AGO3: variants seen among roughly 807,000 people sequenced by gnomAD.
AGO3 encodes the protein argonaute RISC catalytic component 3.
A neutral mutation model predicts 105.5 loss-of-function variants in AGO3; 16 were observed. The observed-to-expected ratio is 0.15, with a 90% confidence interval of 0.10 to 0.23. The LOEUF (loss-of-function observed/expected upper bound fraction) is 0.23, where lower values mean the gene tolerates loss of function less well. AGO3 is among the 10% of genes least tolerant of loss of function. The probability of loss-of-function intolerance (pLI) is 1.00; values close to 1 mark genes in which losing one functional copy is unlikely to be tolerated. For synonymous variants in AGO3, 340 were observed against 367.3 expected (o/e 0.93, Z 0.85); for missense variants, 534 against 1,088.0 (o/e 0.49, Z 7.16).
intron 5 of AGO3, among the ~76,000 whole-genome samples, chr1:36,003,556 T>C (rs1640194737): frequency 6.6e-6 from 1 of 151,260 alleles, no homozygotes; most frequent in African/African-American, 2.4e-5. Context: ...TGGTCGGACG[T>C]GGTGGTGCAT....
intron 3 of AGO3, among the ~76,000 whole-genome samples, chr1:35,970,351 G>A (rs780796582): frequency 6.6e-6 from 1 of 152,076 alleles, no homozygotes; most frequent in African/African-American, 2.4e-5. Context: ...ATTCTAGTCC[G>A]TGCCTCATGG....
At chr1:35,968,783 T>G (rs1646815703) in intron 3 of AGO3, among the ~76,000 whole-genome samples, 1 of 152,202 alleles carries the variant, frequency 6.6e-6, no homozygotes, top group Admixed American at 6.5e-5. Flanking sequence ...GTGATAATTA[T>G]TAATTTTCTG....
At chr1:36,049,545 C>T (rs74750362) in intron 17 of AGO3, among the ~76,000 whole-genome samples, 2,314 of 151,670 alleles carry the variant, frequency 0.015, 47 homozygotes, top group African/African-American at 0.053. Context: ...AGAAAAACTA[C>T]TGGGTGCTAA....
At chr1:36,014,294 G>A (rs1390745395) in intron 11 of AGO3, among the ~76,000 whole-genome samples, 2 of 151,932 alleles carry the variant, frequency 1.3e-5, no homozygotes, top group Non-Finnish European at 2.9e-5. Context: ...AAGTAGCTGG[G>A]ATTACAGGTG....
intron 2 of AGO3, among the ~76,000 whole-genome samples, chr1:35,948,972 T>G (rs982548871): frequency 1.3e-5 from 2 of 152,126 alleles, no homozygotes; most frequent in Non-Finnish European, 2.9e-5. Context: ...AGATGGAGTT[T>G]TGCTCTTGTT....
intron 1 of AGO3, 106 bp from the exon 2 acceptor site, chr1:35,945,586 T>G (rs1322957687): frequency 6.4e-5 from 72 of 1,128,844 alleles, no homozygotes; most frequent in Non-Finnish European, 8.9e-5. Flanking sequence ...AGAACTAGGT[T>G]TTAGCCATTA....
chr1:36,013,919 G>A lies in AGO3; in HGVS notation c.1277G>A (p.Arg426Gln), dbSNP rs767090774. ...APMLQYGGRNRTVATPSHGVW... is the reference protein window; with the variant it reads ...APMLQYGGRNQTVATPSHGVW... ...TATTTTTTTCTCCTCGTGTAGAATC[G>A]GACAGTAGCAACACCGAGCCATGGA... The change falls in exon 11 of 19, where the codon CGG (arginine) becomes CAG (glutamine). Residue 426 changes from arginine (R) to glutamine (Q), a missense_variant. Physicochemically the swap from Arg to Gln is conservative, Grantham distance 43. Around this residue, in one of 2 missense-constraint regions of AGO3, gnomAD observed 373 missense variants for 854.0 expected, o/e 0.44. Coordinates refer to ENST00000373191, the MANE Select transcript of AGO3 (RefSeq NM_024852.4). 4 of 1,611,416 alleles carry A rather than the reference G, an allele frequency of 2.5e-6. No homozygotes were observed. The highest frequency in any genetic ancestry group is 1.7e-6 in the Non-Finnish European group (2 of 1,179,026).
intron 12 of AGO3, among the ~76,000 whole-genome samples, chr1:36,029,704 T>G (rs1286417560): frequency 6.7e-6 from 1 of 149,496 alleles, no homozygotes; most frequent in Non-Finnish European, 1.5e-5. Context: ...CCCTTTTTTT[T>G]TTTTTTGAGA....
At chr1:36,010,077 T>C (rs1418176607) in intron 9 of AGO3, among the ~76,000 whole-genome samples, 1 of 151,526 alleles carries the variant, frequency 6.6e-6, no homozygotes, top group African/African-American at 2.4e-5. Context: ...CAGCTGGGAC[T>C]ACAGGCGCAT....
intron 5 of AGO3, among the ~76,000 whole-genome samples, chr1:35,995,209 A>AT (rs1553164849): frequency 0.026 from 2,993 of 114,576 alleles, 43 homozygotes; most frequent in Non-Finnish European, 0.034. Context: ...TAAAAAAAAA[A>AT]ATATATATAT....
At chr1:36,045,931 G>A (rs551715921) in intron 17 of AGO3, among the ~76,000 whole-genome samples, 2 of 152,182 alleles carry the variant, frequency 1.3e-5, no homozygotes, top group South Asian at 2.1e-4. Context: ...ACAGAAACTC[G>A]GGATGACCAC....
chr1:36,002,844 A>G (rs925001573), intron 5 of AGO3, among the ~76,000 whole-genome samples: 1 of 152,104 alleles, frequency 6.6e-6, no homozygotes, highest in Non-Finnish European at 1.5e-5. Context: ...TCGGCCTCCC[A>G]AAGTGCTGGG....
At chr1:35,988,440 G>T (rs1647316398) in intron 5 of AGO3, among the ~76,000 whole-genome samples, 1 of 152,014 alleles carries the variant, frequency 6.6e-6, no homozygotes, top group Non-Finnish European at 1.5e-5. Context: ...CTCACCATTT[G>T]CCTCAGCCCT....
chr1:35,998,700 G>T (rs1639951854), intron 5 of AGO3, among the ~76,000 whole-genome samples: 1 of 151,772 alleles, frequency 6.6e-6, no homozygotes, highest in Non-Finnish European at 1.5e-5. Flanking sequence ...ATTTTGATTT[G>T]TAGGAACTCT....
In AGO3 at chr1:35,978,996, T is replaced by C. The variant is rs566540807; in HGVS notation, c.658+5485T>C. Among the ~76,000 whole-genome samples, 5 of 152,308 alleles carry C rather than the reference T, an allele frequency of 3.3e-5. No individual in the cohort carries two copies. The South Asian group carries it at 8.3e-4, about 25-fold the overall frequency. On this transcript the variant is annotated intron_variant, in intron 5 of 18. Coordinates refer to ENST00000373191, the MANE Select transcript of AGO3 (RefSeq NM_024852.4). ...GCTTGAAATATTGTTTGAGAGACTT[T>C]TCAAATTTTCAGATTGAAGATCTTT...
intron 1 of AGO3, among the ~76,000 whole-genome samples, chr1:35,942,434 G>A (rs1449572487): frequency 6.6e-6 from 1 of 152,044 alleles, no homozygotes; most frequent in African/African-American, 2.4e-5. Context: ...CTTCTTTTCT[G>A]TTCTCTGGAA....
intron 5 of AGO3, among the ~76,000 whole-genome samples, chr1:35,989,329 G>A (rs755025656): frequency 1.3e-5 from 2 of 152,152 alleles, no homozygotes; most frequent in Non-Finnish European, 2.9e-5. Flanking sequence ...TAAACTTGCT[G>A]TATTTTACCA....
At chr1:35,983,025 G>A (rs767763599) in intron 5 of AGO3, 8 of 176,864 alleles carry the variant, frequency 4.5e-5, no homozygotes, top group Non-Finnish European at 9.4e-5. Context: ...CTGTCAGGAA[G>A]GGCAGGGAAA....
intron 5 of AGO3, among the ~76,000 whole-genome samples, chr1:35,979,289 A>G (rs1035429399): frequency 1.3e-5 from 2 of 151,988 alleles, no homozygotes; most frequent in Non-Finnish European, 2.9e-5. Context: ...GCGTGAACCC[A>G]GGAGGCGGAG....
Sources: gnomAD v4.1 joint callset for allele counts (sites outside exome capture counted in the v4.1 genomes callset) on GRCh38, gnomAD v4.1.1 for gene constraint, gnomAD v4.1.1 regional missense constraint, MANE v1.5 for transcripts, NCBI Gene and HGNC (gene_info 2026-07-23, HGNC 2026-07-21) for gene names.